The following PRKN variants were observed in gnomAD, a reference collection of about 807,000 sequenced individuals.
PRKN encodes parkin RBR E3 ubiquitin protein ligase, also known as E3 ubiquitin-protein ligase parkin.
Under a neutral mutation model 59.5 loss-of-function variants are expected in PRKN, and 56 were observed. That is an observed-to-expected ratio of 0.94 (90% CI 0.76 to 1.18). PRKN has a LOEUF of 1.18. Among genes scored for constraint, PRKN ranks in the 50% most tolerant of loss-of-function variants. The pLI is 0.00. For synonymous variants in PRKN, 250 were observed against 222.1 expected (o/e 1.13, Z -1.12); for missense variants, 657 against 596.4 (o/e 1.10, Z -1.06).
chr6:162,504,116 C>A (rs12524175), intron 1 of PRKN, among the ~76,000 whole-genome samples: 1 of 151,814 alleles, frequency 6.6e-6, no homozygotes, highest in African/African-American at 2.4e-5. Flanking sequence ...GGCAGGCTGA[C>A]GGGAAACTCC....
intron 3 of PRKN, among the ~76,000 whole-genome samples, chr6:162,249,100 G>C (rs533062730): frequency 4.6e-5 from 7 of 152,150 alleles, no homozygotes; most frequent in Admixed American, 3.9e-4. Flanking sequence ...GGATGGTCTC[G>C]ATCTCTTGAC....
At chr6:161,358,920 G>A (rs928934980) in intron 11 of PRKN, among the ~76,000 whole-genome samples, 10 of 147,296 alleles carry the variant, frequency 6.8e-5, no homozygotes, top group Non-Finnish European at 8.9e-5. Context: ...TCAGCCTCCA[G>A]AGTAGCTGGG....
At position 161,548,797 on chromosome 6, in the gene PRKN, G is replaced by C. The variant is rs1779885542; in HGVS notation, c.1083+57C>G. On this transcript the variant is annotated intron_variant, in intron 9 of 11. Transcript: ENST00000366898. This position sits in a 1 kb window ranked among gnomAD's most constrained non-coding sequence, Gnocchi z 4.2. ...AAATAAAAATATAATCCCAGCCCATGTGCAAAAGCAAACAAGGACAGGAAC... is the reference window on the plus strand; with the variant it reads ...AAATAAAAATATAATCCCAGCCCATCTGCAAAAGCAAACAAGGACAGGAAC... 4 of 1,513,304 alleles carry C rather than the reference G, an allele frequency of 2.6e-6. No individual in the cohort carries two copies. 93.7% of individuals were successfully genotyped at this position (1,513,304 alleles called of 1,614,324 possible).
At chr6:162,645,369 G>T (rs977236818) in intron 1 of PRKN, among the ~76,000 whole-genome samples, 5 of 152,110 alleles carry the variant, frequency 3.3e-5, no homozygotes, top group Non-Finnish European at 7.4e-5. Flanking sequence ...TGATTTTTGT[G>T]CATCAAGAAG....
rs184133220 is a variant in PRKN at position 161,389,450 on chromosome 6, A to G, written c.1084-2573T>C. Among the ~76,000 whole-genome samples, 105 of 152,294 alleles carry G rather than the reference A, an allele frequency of 6.9e-4. 1 individual carries two copies. The highest frequency in any genetic ancestry group is 2.3e-3 in the African/African-American group (95 of 41,556). ...TGAACTCAAATTTAGTGAAATGTAA[A>G]CTTTATTTAAAGGTTGGTGGGACAG... On this transcript the variant is annotated intron_variant, in intron 9 of 11. Transcript: ENST00000366898.
In PRKN at chr6:161,414,436, C is replaced by T. The variant is rs550975482; in HGVS notation, c.1084-27559G>A. Among the ~76,000 whole-genome samples the T allele has an allele frequency of 1.3e-5, 2 of 152,338 alleles. No individual in the cohort carries two copies. The highest frequency in any genetic ancestry group is 2.1e-4 in the South Asian group (1 of 4,826). On this transcript the variant is annotated intron_variant, in intron 9 of 11. Coordinates refer to ENST00000366898, the MANE Select transcript of PRKN (RefSeq NM_004562.3). The surrounding 1 kb of genome is among the most constrained non-coding windows in gnomAD (Gnocchi z 5.3). ...GTCCTTGGCCTCCAGCCACGGCTTC[C>T]GTGCCATGTCCCAAATGCAAAGTGC...
intron 2 of PRKN, among the ~76,000 whole-genome samples, chr6:162,267,655 A>G (rs1780199456): frequency 6.6e-6 from 1 of 152,296 alleles, no homozygotes; most frequent in Admixed American, 6.5e-5. Flanking sequence ...AGTGTAGACA[A>G]ACCAAGTAGG....
intron 5 of PRKN, among the ~76,000 whole-genome samples, chr6:162,000,347 G>C (rs1169636565): frequency 2.6e-5 from 4 of 152,126 alleles, no homozygotes; most frequent in South Asian, 2.1e-4. Flanking sequence ...TGTAATAGAT[G>C]TGTACTGGTA....
intron 3 of PRKN, among the ~76,000 whole-genome samples, chr6:162,235,955 A>AAGAAAGAAAGAAAG (rs1778655656): frequency 1.1e-5 from 1 of 92,778 alleles, no homozygotes; most frequent in Non-Finnish European, 2.0e-5. Flanking sequence ...GGAAGGAAGA[A>AAGAAAGAAAGAAAG]AGGAAGAAAG....
chr6:162,384,129 G>T (rs776112718), intron 2 of PRKN, among the ~76,000 whole-genome samples: 24 of 152,166 alleles, frequency 1.6e-4, no homozygotes, highest in Non-Finnish European at 2.8e-4. Flanking sequence ...GTGTTCACTG[G>T]AGTAGCACTT....
At chr6:161,924,486 C>T (rs1475198433) in intron 6 of PRKN, among the ~76,000 whole-genome samples, 1 of 152,172 alleles carries the variant, frequency 6.6e-6, no homozygotes, top group Non-Finnish European at 1.5e-5. Flanking sequence ...GCCTGACACA[C>T]AGCAAGATTT....
intron 5 of PRKN, among the ~76,000 whole-genome samples, chr6:162,018,953 C>T (rs1409932916): frequency 6.6e-6 from 1 of 152,186 alleles, no homozygotes; most frequent in Non-Finnish European, 1.5e-5. Context: ...TCACATCATT[C>T]TTTGCCTATT....
At chr6:162,079,402 T>C (rs1778966851) in intron 4 of PRKN, among the ~76,000 whole-genome samples, 1 of 152,288 alleles carries the variant, frequency 6.6e-6, no homozygotes, top group Non-Finnish European at 1.5e-5. Context: ...GGTGTCCTCT[T>C]TTCTATACCC....
chr6:161,581,419 T>TA lies in PRKN; in HGVS notation c.872-12004dup, dbSNP rs1781334891. Among the ~76,000 whole-genome samples, 2 of 152,218 alleles carry TA rather than the reference T, an allele frequency of 1.3e-5. No homozygotes were observed. Among genetic ancestry groups the TA allele is most frequent in the South Asian group, 4.1e-4 (2 of 4,832 alleles). ...AGTGACTTTAAAAATGTCAATTAAC[T>TA]ACCATGCCCAATAAGTACATAAGCA... is the stretch of plus-strand genomic sequence containing the variant. On this transcript the variant is annotated intron_variant, in intron 7 of 11. Transcript: ENST00000366898. This position sits in a 1 kb window ranked among gnomAD's most constrained non-coding sequence, Gnocchi z 4.5.
Position 161,377,669 on chromosome 6 carries a change from G to A in PRKN, c.1167+9125C>T, listed in dbSNP as rs1785782275. The stretch of plus-strand genomic sequence containing the variant: ...CAAGGCGGTGGGATTAGGAGGTGAG[G>A]CCTTTGCAAGGTGATTGGGTCATAA... On this transcript the variant is annotated intron_variant, in intron 10 of 11. Coordinates refer to ENST00000366898, the MANE Select transcript of PRKN (RefSeq NM_004562.3). The surrounding 1 kb of genome is among the most constrained non-coding windows in gnomAD (Gnocchi z 4.2). Among the ~76,000 whole-genome samples, 1 of 152,112 alleles carries A rather than the reference G, an allele frequency of 6.6e-6. No individual in the cohort carries two copies.
intron 6 of PRKN, among the ~76,000 whole-genome samples, chr6:161,788,794 A>G (rs980598313): frequency 6.6e-6 from 1 of 152,196 alleles, no homozygotes; most frequent in Non-Finnish European, 1.5e-5. Flanking sequence ...AAAGAAATTT[A>G]CAAGTTACAG....
At position 161,809,458 on chromosome 6, in the gene PRKN, C is replaced by G. The variant is rs111316054; in HGVS notation, c.735-23550G>C. Among the ~76,000 whole-genome samples the G allele has an allele frequency of 8.2e-3, 1,244 of 152,174 alleles. 22 individuals carry two copies. The highest frequency in any genetic ancestry group is 0.039 in the South Asian group (189 of 4,814). On this transcript the variant is annotated intron_variant, in intron 6 of 11. Coordinates refer to ENST00000366898, the MANE Select transcript of PRKN (RefSeq NM_004562.3). The stretch of plus-strand genomic sequence containing the variant: ...GGGAGAAACTGGGTCAAGGTATATG[C>G]ATTTTGGAATTATTGGTTCTGTGTG...
chr6:161,587,088 T>C (rs1282796302), intron 7 of PRKN, among the ~76,000 whole-genome samples: 2 of 152,234 alleles, frequency 1.3e-5, no homozygotes, highest in African/African-American at 4.8e-5. Context: ...AATCAGTTTA[T>C]AAAAACACTC....
intron 7 of PRKN, among the ~76,000 whole-genome samples, chr6:161,725,615 C>T (rs188746057): frequency 5.6e-4 from 86 of 152,288 alleles, no homozygotes; most frequent in African/African-American, 1.7e-3. Context: ...TACCCATTTC[C>T]GCAGTTTGTG....
Sources: gnomAD v4.1 joint callset for allele counts (sites outside exome capture counted in the v4.1 genomes callset) on GRCh38, gnomAD v4.1.1 for gene constraint, Gnocchi (gnomAD v3.1) non-coding constraint, MANE v1.5 for transcripts, NCBI Gene and HGNC (gene_info 2026-07-23, HGNC 2026-07-21) for gene names.